Variants in GLIS1 observed in about 807,000 individuals in gnomAD.
The protein encoded by GLIS1 is zinc finger protein GLIS1.
In GLIS1, 24 loss-of-function variants were observed where a neutral mutation model predicts 63.8. The observed-to-expected ratio is 0.38, with a 90% CI of 0.27 to 0.53. The LOEUF (loss-of-function observed/expected upper bound fraction) is 0.53. GLIS1 is among the 20% of genes least tolerant of loss of function. GLIS1 has a pLI of 0.85. For synonymous variants in GLIS1, 450 were observed against 482.5 expected, an observed-to-expected ratio of 0.93 and a Z score of 0.88; for missense variants, 1,036 against 1,074.1, an observed-to-expected ratio of 0.96 and a Z score of 0.50.
rs57895937 is a variant in GLIS1 at position 53,620,452 on chromosome 1, G to A, written c.260-20174C>T. Among the ~76,000 whole-genome samples the A allele has an allele frequency of 9.4e-3, 1,426 of 152,320 alleles. 18 individuals carry two copies. The highest frequency in any genetic ancestry group is 0.033 in the African/African-American group (1,358 of 41,568). On this transcript the variant is annotated intron_variant, in intron 2 of 10. Transcript: ENST00000628545. ...TTTCTTCTCACTGCCAGTTTATGCCGGCAGAGCTGGGGCAGCTCACTGCCA... is the reference window on the plus strand; with the variant it reads ...TTTCTTCTCACTGCCAGTTTATGCCAGCAGAGCTGGGGCAGCTCACTGCCA...
In GLIS1 at chr1:53,615,088, G is replaced by C. The variant is rs533101338; in HGVS notation, c.260-14810C>G. Among the ~76,000 whole-genome samples, 10 of 152,246 alleles carry C rather than the reference G, an allele frequency of 6.6e-5. No homozygotes were observed. The South Asian group carries it at 1.9e-3, about 28-fold the overall frequency. ...CTAAGACAGAATGGGACTAGACGGTGGTCCTCTAACTCAGCACAGACCCTC... is the reference window on the plus strand; with the variant it reads ...CTAAGACAGAATGGGACTAGACGGTCGTCCTCTAACTCAGCACAGACCCTC... On this transcript the variant is annotated intron_variant, in intron 2 of 10. Transcript: ENST00000628545.
intron 2 of GLIS1, among the ~76,000 whole-genome samples, chr1:53,729,360 G>A (rs184940886): frequency 1.3e-5 from 2 of 152,224 alleles, no homozygotes; most frequent in Admixed American, 6.5e-5. Context: ...CACAAAGAGC[G>A]CTCCGTAAGT....
At chr1:53,605,989 A>C (rs114414729) in intron 2 of GLIS1, among the ~76,000 whole-genome samples, 1,536 of 152,310 alleles carry the variant, frequency 0.01, 22 homozygotes, top group African/African-American at 0.035. Flanking sequence ...CCTAGGTTGA[A>C]GTCCTGCTCC....
chr1:53,722,927 G>A (rs1429173325), intron 2 of GLIS1, among the ~76,000 whole-genome samples: 2 of 148,012 alleles, frequency 1.4e-5, no homozygotes, highest in Admixed American at 6.7e-5. Flanking sequence ...GAGGTCAGGA[G>A]GTCAAGACCA....
chr1:53,625,806 G>A lies in GLIS1; in HGVS notation c.260-25528C>T, dbSNP rs12031782. ...ATCCCCCCTTCAGGTCAATCCATCC[G>A]TCTACACAGAAACAGTGCCCAAGTA... On this transcript the variant is annotated intron_variant, in intron 2 of 10. Transcript: ENST00000628545. 1.8e-3 allele frequency among the ~76,000 whole-genome samples: 271 copies of A among 152,274 alleles called. 7 individuals are homozygous for A. In the East Asian group the frequency reaches 0.043, roughly 24 times the overall value.
At chr1:53,631,403 A>G (rs999141141) in intron 2 of GLIS1, among the ~76,000 whole-genome samples, 2 of 152,220 alleles carry the variant, frequency 1.3e-5, no homozygotes, top group Admixed American at 1.3e-4. Flanking sequence ...CAGGGTTTCC[A>G]CCATCTCTGA....
intron 4 of GLIS1, among the ~76,000 whole-genome samples, chr1:53,532,549 C>A (rs1421498845): frequency 2.0e-5 from 3 of 152,232 alleles, no homozygotes; most frequent in Non-Finnish European, 4.4e-5. Flanking sequence ...GGAGGAAATC[C>A]TGTTTGGGCA....
At chr1:53,587,065 A>T (rs945210964) in intron 4 of GLIS1, among the ~76,000 whole-genome samples, 18 of 152,168 alleles carry the variant, frequency 1.2e-4, no homozygotes, top group African/African-American at 4.1e-4. Flanking sequence ...GATGTATAGG[A>T]GTTTGCCAGG....
chr1:53,558,023 G>A (rs184830263), intron 4 of GLIS1, among the ~76,000 whole-genome samples: 2 of 152,288 alleles, frequency 1.3e-5, no homozygotes, highest in Admixed American at 1.3e-4. Context: ...TAATTAGATC[G>A]GGAAGCAGGC....
intron 2 of GLIS1, among the ~76,000 whole-genome samples, chr1:53,669,797 C>T (rs551001446): frequency 2.6e-5 from 4 of 152,160 alleles, no homozygotes; most frequent in Admixed American, 6.5e-5. Context: ...GCTGTGTCCC[C>T]GGCACCCAGC....
At chr1:53,602,473 C>G (rs1249472720) in intron 2 of GLIS1, among the ~76,000 whole-genome samples, 2 of 152,108 alleles carry the variant, frequency 1.3e-5, no homozygotes, top group Non-Finnish European at 2.9e-5. Flanking sequence ...ACGGGGGTGC[C>G]GTTCAGAGCT....
chr1:53,700,772 C>T (rs901626672), intron 2 of GLIS1, among the ~76,000 whole-genome samples: 1 of 152,216 alleles, frequency 6.6e-6, no homozygotes, highest in Non-Finnish European at 1.5e-5. Context: ...TTAGCATTCA[C>T]TCCCTATTTC....
Position 53,719,389 on chromosome 1 carries a change from A to G in GLIS1, c.259+18417T>C, listed in dbSNP as rs1646731008. 3.3e-5 allele frequency among the ~76,000 whole-genome samples: 5 copies of G among 152,158 alleles called. No homozygotes were observed. The South Asian group carries it at 1.0e-3, about 32-fold the overall frequency. On this transcript the variant is annotated intron_variant, in intron 2 of 10. Transcript: ENST00000628545. ...GGCAGAAAACGTCAGCTTCTCAACA[A>G]TTCTCTCTGAAGAAATCCTCTCTGT...
intron 2 of GLIS1, among the ~76,000 whole-genome samples, chr1:53,604,639 C>A (rs1431202008): frequency 2.0e-5 from 3 of 152,120 alleles, no homozygotes; most frequent in African/African-American, 7.2e-5. Context: ...GGTGATAGGG[C>A]ACTGCACTTT....
In GLIS1 at chr1:53,522,967, T is replaced by TTTTAC. The variant is rs1332334370; in HGVS notation, c.1593+1809_1593+1810insGTAAA. 2.3e-4 allele frequency among the ~76,000 whole-genome samples: 27 copies of TTTTAC among 118,106 alleles called. No individual in the cohort carries two copies. The East Asian group carries it at 7.0e-3, about 31-fold the overall frequency. 77.5% of individuals were successfully genotyped at this position (118,106 alleles called of 152,430 possible). On this transcript the variant is annotated intron_variant, in intron 6 of 10. Transcript: ENST00000628545. ...TGCCCACACCTACGGTTGTAGTTTC[T>TTTTAC]TTTTCTTTTCTTTTCTTTCTTTTTT...
chr1:53,584,555 A>T (rs1297549425), intron 4 of GLIS1, among the ~76,000 whole-genome samples: 1 of 151,936 alleles, frequency 6.6e-6, no homozygotes, highest in East Asian at 1.9e-4. Flanking sequence ...TTGACACTGT[A>T]CTCCTTGCTT....
rs1376972450 is a variant in GLIS1, at chr1:53,639,399, G to C, written c.260-39121C>G. On this transcript the variant is annotated intron_variant, in intron 2 of 10. Coordinates refer to ENST00000628545, the MANE Select transcript of GLIS1 (RefSeq NM_001367484.1). The surrounding 1 kb of genome is among the most constrained non-coding windows in gnomAD (Gnocchi z 4.6). Reference sequence around the variant, plus strand: ...CAGGGTGGCAGCAGCCGTCTGGGAGGCTGGACTGAGCCGCCACTCTGAGAA... The same window carrying C: ...CAGGGTGGCAGCAGCCGTCTGGGAGCCTGGACTGAGCCGCCACTCTGAGAA... 1.3e-5 allele frequency among the ~76,000 whole-genome samples: 2 copies of C among 152,120 alleles called. No individual in the cohort carries two copies. The highest frequency in any genetic ancestry group is 2.9e-5 in the Non-Finnish European group (2 of 68,016).
intron 2 of GLIS1, among the ~76,000 whole-genome samples, chr1:53,637,920 G>A (rs1008355620): frequency 6.6e-6 from 1 of 152,256 alleles, no homozygotes; most frequent in African/African-American, 2.4e-5. Flanking sequence ...GGGCATGGAG[G>A]AAGCTGGTGT....
chr1:53,658,025 G>T (rs537149530), intron 2 of GLIS1, among the ~76,000 whole-genome samples: 4 of 151,998 alleles, frequency 2.6e-5, no homozygotes, highest in African/African-American at 9.7e-5. Flanking sequence ...GCCCTGTGGG[G>T]TCTTGATCAC....
Sources: gnomAD v4.1 joint callset for allele counts (sites outside exome capture counted in the v4.1 genomes callset) on GRCh38, gnomAD v4.1.1 for gene constraint, Gnocchi (gnomAD v3.1) non-coding constraint, MANE v1.5 for transcripts, NCBI Gene and HGNC (gene_info 2026-07-23, HGNC 2026-07-21) for gene names.